Variants in CFAP299 observed in about 807,000 individuals in gnomAD.
The protein encoded by CFAP299 is cilia- and flagella-associated protein 299.
A neutral mutation model predicts 27.0 loss-of-function variants in CFAP299; 21 were observed. The observed-to-expected ratio is 0.78, with a 90% CI of 0.55 to 1.12. The LOEUF is 1.12. Ranked by LOEUF, CFAP299 falls within the 50% of genes most tolerant of loss-of-function variation. CFAP299 has a pLI of 0.00. For missense variants in CFAP299, 310 were observed against 276.6 expected, an observed-to-expected ratio of 1.12 and a Z score of -0.86; for synonymous variants, 104 against 98.1, an observed-to-expected ratio of 1.06 and a Z score of -0.36.
At chr4:80,689,962 G>A (rs1245100935) in intron 3 of CFAP299, among the ~76,000 whole-genome samples, 1 of 150,478 alleles carries the variant, frequency 6.6e-6, no homozygotes, top group Non-Finnish European at 1.5e-5. Context: ...TTACATAATG[G>A]TAAAGGGATC....
At chr4:80,601,918 T>A (rs1481302998) in intron 3 of CFAP299, among the ~76,000 whole-genome samples, 1 of 152,204 alleles carries the variant, frequency 6.6e-6, no homozygotes, top group East Asian at 1.9e-4. Context: ...TGAAATCATG[T>A]CCTTTGTTGA....
In CFAP299 at chr4:80,579,559, C is replaced by T. The variant is rs376809571; in HGVS notation, c.243-3534C>T. ...ACCTCGGCCATTAGCAAGAGAGTCA[C>T]GCTTAGCAAAATATTAAGAGTCCCA... On this transcript the variant is annotated intron_variant, in intron 2 of 5. Coordinates refer to ENST00000358105, the MANE Select transcript of CFAP299 (RefSeq NM_152770.3). Among the ~76,000 whole-genome samples, 10 of 152,050 alleles carry T rather than the reference C, an allele frequency of 6.6e-5. 1 individual carries two copies. The highest frequency in any genetic ancestry group is 1.3e-4 in the Admixed American group (2 of 15,232).
At chr4:80,921,296 G>T (rs890840053) in intron 4 of CFAP299, among the ~76,000 whole-genome samples, 1 of 152,068 alleles carries the variant, frequency 6.6e-6, no homozygotes, top group African/African-American at 2.4e-5. Flanking sequence ...ATTACAAAAT[G>T]ATTTGGAAAT....
chr4:80,758,472 T>C (rs374830816), intron 3 of CFAP299, among the ~76,000 whole-genome samples: 48 of 152,068 alleles, frequency 3.2e-4, no homozygotes, highest in African/African-American at 1.1e-3. Context: ...CCATAGGTAG[T>C]TTTGGAAAAG....
intron 3 of CFAP299, among the ~76,000 whole-genome samples, chr4:80,630,186 G>A (rs1739134603): frequency 6.6e-6 from 1 of 152,140 alleles, no homozygotes. Context: ...AGAAGAGAAT[G>A]GAAGTAATGA....
At chr4:80,572,507 G>GTTTTTTTTTTCTTTTTTTT (rs1735633170) in intron 2 of CFAP299, among the ~76,000 whole-genome samples, 1 of 36,380 alleles carries the variant, frequency 2.7e-5, no homozygotes, top group Non-Finnish European at 5.2e-5. Context: ...CTGGATCCCA[G>GTTTTTTTTTTCTTTTTTTT]TTTTTTTTTT....
At chr4:80,558,904 G>A (rs571321666) in intron 2 of CFAP299, among the ~76,000 whole-genome samples, 10 of 151,966 alleles carry the variant, frequency 6.6e-5, no homozygotes, top group East Asian at 5.8e-4. Context: ...GACAAGAAAC[G>A]GTATAATACA....
intron 3 of CFAP299, among the ~76,000 whole-genome samples, chr4:80,770,077 G>A (rs1229036554): frequency 6.6e-6 from 1 of 151,980 alleles, no homozygotes; most frequent in African/African-American, 2.4e-5. Flanking sequence ...GAATTTTGGG[G>A]GTCTAACAAA....
intron 3 of CFAP299, among the ~76,000 whole-genome samples, chr4:80,792,388 T>C (rs1003604185): frequency 6.6e-6 from 1 of 152,104 alleles, no homozygotes; most frequent in African/African-American, 2.4e-5. Context: ...TCCTAAACTG[T>C]AAGTAATAGA....
chr4:80,543,817 A>T (rs937817041), intron 2 of CFAP299, among the ~76,000 whole-genome samples: 1 of 152,246 alleles, frequency 6.6e-6, no homozygotes, highest in South Asian at 2.1e-4. Flanking sequence ...AGAGATTAAC[A>T]TGCAAATTCA....
In CFAP299 at chr4:80,703,277, G is replaced by A. The variant is rs549876313; in HGVS notation, c.333+120094G>A. On this transcript the variant is annotated intron_variant, in intron 3 of 5. Coordinates refer to ENST00000358105, the MANE Select transcript of CFAP299 (RefSeq NM_152770.3). ...AAATGTTGGTGTCTGAAAGACTGAC[G>A]AAAAGAATAATCTACCTTGCCTTAT... Among the ~76,000 whole-genome samples the A allele has an allele frequency of 1.7e-3, 258 of 151,748 alleles. 1 individual carries two copies. Among genetic ancestry groups the A allele is most frequent in the African/African-American group, 5.7e-3 (238 of 41,508 alleles).
chr4:80,408,297 T>G (rs10027362), intron 2 of CFAP299, among the ~76,000 whole-genome samples: 1 of 151,958 alleles, frequency 6.6e-6, no homozygotes, highest in Non-Finnish European at 1.5e-5. Flanking sequence ...TTTGGTTTAT[T>G]TTTGCCATTC....
At chr4:80,954,294 ACAAGTAGTTAATTCC>A (rs1194542280) in intron 5 of CFAP299, among the ~76,000 whole-genome samples, 4 of 152,200 alleles carry the variant, frequency 2.6e-5, no homozygotes, top group Non-Finnish European at 4.4e-5. Context: ...CAACAGTTGA[ACAAGTAGTTAATTCC>A]CATGACTCTT....
intron 3 of CFAP299, among the ~76,000 whole-genome samples, chr4:80,762,312 G>C (rs571798797): frequency 1.7e-4 from 26 of 152,118 alleles, no homozygotes; most frequent in African/African-American, 5.8e-4. Flanking sequence ...ATTTGACCTT[G>C]TGGATAAAAT....
At chr4:80,557,034 A>T (rs866465289) in intron 2 of CFAP299, among the ~76,000 whole-genome samples, 13 of 152,108 alleles carry the variant, frequency 8.5e-5, no homozygotes, top group African/African-American at 2.7e-4. Flanking sequence ...AATTTTAATC[A>T]GTTTGACCAT....
intron 3 of CFAP299, among the ~76,000 whole-genome samples, chr4:80,622,240 A>G (rs1738646050): frequency 6.6e-6 from 1 of 152,196 alleles, no homozygotes; most frequent in South Asian, 2.1e-4. Context: ...TAGTCCAGGT[A>G]AGAGGATGTG....
In CFAP299 at chr4:80,335,731, C is replaced by T. The variant is rs1395386846; in HGVS notation, c.-38C>T. The T allele has an allele frequency of 1.6e-6, 2 of 1,283,616 alleles. No homozygotes were observed. Among genetic ancestry groups the T allele is most frequent in the Non-Finnish European group, 2.3e-6 (2 of 878,788 alleles). The allele number at this position is 1,283,616 out of a possible 1,614,324, so 79.5% of individuals were successfully genotyped here. On this transcript the variant is annotated 5_prime_UTR_variant, in exon 1 of 6. Coordinates refer to ENST00000358105, the MANE Select transcript of CFAP299 (RefSeq NM_152770.3). ...GGAGCCTCCTGACCCTGCCCTCCTG[C>T]TTCCGTTGCTAGGGACGCTTCGGCC...
At chr4:80,751,961 C>A (rs570681779) in intron 3 of CFAP299, among the ~76,000 whole-genome samples, 1 of 152,180 alleles carries the variant, frequency 6.6e-6, no homozygotes, top group Non-Finnish European at 1.5e-5. Context: ...GTATGTAAAA[C>A]TTCTCAGTTT....
At chr4:80,405,693 C>T (rs1726379284) in intron 2 of CFAP299, among the ~76,000 whole-genome samples, 1 of 151,982 alleles carries the variant, frequency 6.6e-6, no homozygotes, top group South Asian at 2.1e-4. Context: ...TATTTAAGCA[C>T]ATCCTTCTGC....
Sources: gnomAD v4.1 joint callset for allele counts (sites outside exome capture counted in the v4.1 genomes callset) on GRCh38, gnomAD v4.1.1 for gene constraint, MANE v1.5 for transcripts, NCBI Gene and HGNC (gene_info 2026-07-23, HGNC 2026-07-21) for gene names.